The following PEX5L variants were observed in gnomAD, a reference collection of about 807,000 sequenced individuals.
PEX5L encodes PEX5-related protein.
A neutral mutation model predicts 84.0 loss-of-function variants in PEX5L; 30 were observed. That is an observed-to-expected ratio of 0.36 (90% CI 0.27 to 0.48). The LOEUF (loss-of-function observed/expected upper bound fraction) is 0.48, where lower values mean the gene tolerates loss of function less well. Ranked by LOEUF, PEX5L falls within the 20% of genes least tolerant of loss-of-function variation. The pLI, the probability that PEX5L is intolerant of heterozygous loss-of-function variation, is 0.99. For missense variants in PEX5L, 533 were observed against 754.6 expected (o/e 0.71, Z 3.44); for synonymous variants, 270 against 283.1 (o/e 0.95, Z 0.46).
chr3:179,838,279 A>T (rs757338919), intron 8 of PEX5L, among the ~76,000 whole-genome samples: 125 of 152,180 alleles, frequency 8.2e-4, no homozygotes, highest in Non-Finnish European at 1.5e-3. Context: ...AAAATCAGAG[A>T]TATCATGTGA....
Position 179,964,025 on chromosome 3 carries a change from CG to C in PEX5L, c.93+7568del, listed in dbSNP as rs1782731899. 2.6e-5 allele frequency among the ~76,000 whole-genome samples: 4 copies of C among 151,830 alleles called. No homozygotes were observed. The South Asian group carries it at 8.3e-4, about 32-fold the overall frequency. On this transcript the variant is annotated intron_variant, in intron 2 of 14. Coordinates refer to ENST00000467460, the MANE Select transcript of PEX5L (RefSeq NM_016559.3). ...TGTTATATGGGTAAATTGCATGTCA[CG>C]GGGATATGCTGTGCAGATTATTTCA...
chr3:179,813,822 G>A (rs1356186918), intron 10 of PEX5L, among the ~76,000 whole-genome samples: 3 of 151,908 alleles, frequency 2.0e-5, no homozygotes, highest in Admixed American at 1.3e-4. Flanking sequence ...GACTACAGGC[G>A]CCCGCCACCG....
At chr3:179,872,437 C>T (rs1207388973) in intron 7 of PEX5L, among the ~76,000 whole-genome samples, 1 of 152,112 alleles carries the variant, frequency 6.6e-6, no homozygotes, top group Non-Finnish European at 1.5e-5. Context: ...ATTGATAACT[C>T]TCTAAAAGGA....
chr3:179,797,811 T>C lies in PEX5L; in HGVS notation c.*4017A>G, dbSNP rs924388318. ...AAGAGGGTTCAAAAAGGATGGCATA[T>C]AAAGTAAGCCTTTAGAATACCCTGT... On this transcript the variant is annotated 3_prime_UTR_variant, in exon 15 of 15. Coordinates refer to ENST00000467460, the MANE Select transcript of PEX5L (RefSeq NM_016559.3). 1 of 151,998 alleles carries C rather than the reference T, an allele frequency of 6.6e-6. No homozygotes were observed. The highest frequency in any genetic ancestry group is 2.4e-5 in the African/African-American group (1 of 41,412). 9.4% of individuals were successfully genotyped at this position (151,998 alleles called of 1,614,324 possible).
chr3:179,915,592 T>C (rs1352907863), intron 2 of PEX5L, among the ~76,000 whole-genome samples: 2 of 152,314 alleles, frequency 1.3e-5, no homozygotes, highest in East Asian at 3.9e-4. Context: ...TTATGTGTTC[T>C]GCCAGGAGGA....
intron 2 of PEX5L, among the ~76,000 whole-genome samples, chr3:179,901,764 A>G (rs1304056543): frequency 2.0e-5 from 3 of 152,220 alleles, no homozygotes; most frequent in Non-Finnish European, 2.9e-5. Flanking sequence ...ATACAGAATG[A>G]CAGCTTTCCT....
Position 179,875,434 on chromosome 3 carries a change from A to T in PEX5L, c.549T>A (p.His183Gln). The T allele has an allele frequency of 1.2e-6, 2 of 1,608,850 alleles. No individual in the cohort carries two copies. The highest frequency in any genetic ancestry group is 4.5e-5 in the East Asian group (2 of 44,492). Residue 183 changes from histidine (H) to glutamine (Q), a missense_variant, in exon 6 of 15, where the codon CAT (histidine) becomes CAA (glutamine). Physicochemically the swap from His to Gln is conservative, Grantham distance 24. Coordinates refer to ENST00000467460, the MANE Select transcript of PEX5L (RefSeq NM_016559.3). ...QLEKWDDVKF[H>Q]GDRNTKGHPM... Reference sequence around the variant, plus strand: ...GATGTCCCTTGGTATTTCGATCTCCATGAAACTTAACATCGTCCCATTTTT... The same window carrying T: ...GATGTCCCTTGGTATTTCGATCTCCTTGAAACTTAACATCGTCCCATTTTT...
chr3:179,864,470 A>G (rs886363793), intron 7 of PEX5L, among the ~76,000 whole-genome samples: 3 of 152,120 alleles, frequency 2.0e-5, no homozygotes, highest in African/African-American at 7.2e-5. Flanking sequence ...TACATGTGGA[A>G]TCGAAAAAAC....
At chr3:180,014,477 A>T (rs949815487) in intron 1 of PEX5L, among the ~76,000 whole-genome samples, 1 of 152,104 alleles carries the variant, frequency 6.6e-6, no homozygotes, top group East Asian at 1.9e-4. Context: ...GACTCAAAAA[A>T]AAAAAAGAAT....
intron 1 of PEX5L, among the ~76,000 whole-genome samples, chr3:180,016,183 T>A (rs1048210217): frequency 6.6e-6 from 1 of 152,140 alleles, no homozygotes; most frequent in Non-Finnish European, 1.5e-5. Context: ...AATGTGTTAA[T>A]CTTATCTCCA....
At chr3:179,813,728 T>C (rs1385345868) in intron 10 of PEX5L, among the ~76,000 whole-genome samples, 5 of 146,712 alleles carry the variant, frequency 3.4e-5, no homozygotes, top group Non-Finnish European at 6.0e-5. Flanking sequence ...GGACTGCGGA[T>C]TGCAGTGGCG....
At chr3:180,021,839 CT>C (rs1370965795) in intron 1 of PEX5L, among the ~76,000 whole-genome samples, 1 of 152,158 alleles carries the variant, frequency 6.6e-6, no homozygotes, top group Non-Finnish European at 1.5e-5. Flanking sequence ...TGCTTAGTTA[CT>C]TTAACATTTC....
At chr3:179,990,764 C>T (rs2110369657) in intron 1 of PEX5L, among the ~76,000 whole-genome samples, 1 of 152,134 alleles carries the variant, frequency 6.6e-6, no homozygotes, top group Non-Finnish European at 1.5e-5. Context: ...TTACCTTGTC[C>T]CAGGAACATT....
At position 179,955,434 on chromosome 3, in the gene PEX5L, CT is replaced by C. The variant is rs55932679; in HGVS notation, c.93+16159del. Among the ~76,000 whole-genome samples, 881 of 139,866 alleles carry C rather than the reference CT, an allele frequency of 6.3e-3. 8 individuals carry two copies. The highest frequency in any genetic ancestry group is 0.02 in the African/African-American group (806 of 39,422). The allele number at this position is 139,866 out of a possible 152,430, so 91.8% of individuals were successfully genotyped here. ...TTGTGTTTTGAGCGATGTTATGTGACTTTTTTTTTTTTGCTGAAGACTCACT... is the reference window on the plus strand; with the variant it reads ...TTGTGTTTTGAGCGATGTTATGTGACTTTTTTTTTTTGCTGAAGACTCACT... On this transcript the variant is annotated intron_variant, in intron 2 of 14. Coordinates refer to ENST00000467460, the MANE Select transcript of PEX5L (RefSeq NM_016559.3).
chr3:179,955,523 G>A (rs527681829), intron 2 of PEX5L, among the ~76,000 whole-genome samples: 48 of 141,710 alleles, frequency 3.4e-4, no homozygotes, highest in African/African-American at 1.2e-3. Flanking sequence ...AGGTGTTAAC[G>A]AAATTCATCT....
chr3:179,916,091 C>T lies in PEX5L; in HGVS notation c.94-17845G>A, dbSNP rs547140451. On this transcript the variant is annotated intron_variant, in intron 2 of 14. Transcript: ENST00000467460. The stretch of plus-strand genomic sequence containing the variant: ...GTAGTAATAATAATCACTTATTGAG[C>T]ATCTAAAATATGCCAGGTGTTGTGC... Among the ~76,000 whole-genome samples, 5 of 152,284 alleles carry T rather than the reference C, an allele frequency of 3.3e-5. No individual in the cohort carries two copies. The East Asian group carries it at 9.6e-4, about 29-fold the overall frequency.
At chr3:179,988,179 C>T (rs1417911570) in intron 1 of PEX5L, among the ~76,000 whole-genome samples, 1 of 152,068 alleles carries the variant, frequency 6.6e-6, no homozygotes, top group African/African-American at 2.4e-5. Flanking sequence ...GTGGGTGGAT[C>T]ACCTAAGGTC....
intron 2 of PEX5L, among the ~76,000 whole-genome samples, chr3:179,941,377 A>T (rs138324577): frequency 4.9e-4 from 75 of 152,292 alleles, no homozygotes; most frequent in Middle Eastern, 3.4e-3. Context: ...GAGGTACTTC[A>T]TATATATGGA....
intron 8 of PEX5L, among the ~76,000 whole-genome samples, chr3:179,835,150 G>A (rs1265284352): frequency 1.3e-5 from 2 of 152,154 alleles, no homozygotes; most frequent in Non-Finnish European, 2.9e-5. Flanking sequence ...CTGACCTCAA[G>A]GGTCTCACAA....
Sources: allele counts gnomAD v4.1 joint callset (sites outside exome capture counted in the v4.1 genomes callset), GRCh38; gene constraint gnomAD v4.1.1; transcripts MANE v1.5; gene names NCBI Gene and HGNC (gene_info 2026-07-23, HGNC 2026-07-21).